The following DOCK9 variants were observed in gnomAD, a reference collection of about 807,000 sequenced individuals.
The protein encoded by DOCK9 is dedicator of cytokinesis protein 9.
A neutral mutation model predicts 263.3 loss-of-function variants in DOCK9; 89 were observed. The observed-to-expected ratio is 0.34, with a 90% CI of 0.28 to 0.40. The LOEUF is 0.40. Among genes scored for constraint, DOCK9 ranks in the 10% least tolerant of loss-of-function variants. The pLI is 1.00. For synonymous variants in DOCK9, 976 were observed against 973.1 expected (o/e 1.00, Z -0.06); for missense variants, 2,140 against 2,603.4 (o/e 0.82, Z 3.87).
At chr13:98,987,674 T>G (rs9634514) in intron 1 of DOCK9, among the ~76,000 whole-genome samples, 22,591 of 152,274 alleles carry the variant, frequency 0.15, 2,415 homozygotes, top group East Asian at 0.43. Flanking sequence ...GCACACACAC[T>G]TGACATACAT....
intron 4 of DOCK9, among the ~76,000 whole-genome samples, chr13:98,923,862 C>T (rs376751649): frequency 6.6e-6 from 1 of 152,168 alleles, no homozygotes; most frequent in African/African-American, 2.4e-5. Context: ...ATCCTTTAAT[C>T]ATGGTGACTG....
intron 18 of DOCK9, 140 bp from the exon 19 acceptor site, chr13:98,886,764 C>CCG: frequency 1.3e-6 from 1 of 754,628 alleles, no homozygotes; most frequent in Non-Finnish European, 2.1e-6. Context: ...CCTGTGAGCC[C>CCG]CGGACTGCTG....
intron 1 of DOCK9, among the ~76,000 whole-genome samples, chr13:99,005,556 G>A (rs948415934): frequency 3.9e-5 from 6 of 152,206 alleles, no homozygotes; most frequent in East Asian, 3.9e-4. Flanking sequence ...TATAATAAAG[G>A]CAGTATCACA....
intron 1 of DOCK9, among the ~76,000 whole-genome samples, chr13:98,985,849 G>A (rs1878336598): frequency 3.3e-5 from 5 of 152,128 alleles, no homozygotes; most frequent in South Asian, 4.1e-4. Flanking sequence ...CCCCACGCCC[G>A]GCACAGTATT....
chr13:98,852,357 A>C (rs2093597804), intron 35 of DOCK9, among the ~76,000 whole-genome samples: 1 of 152,122 alleles, frequency 6.6e-6, no homozygotes, highest in African/African-American at 2.4e-5. Flanking sequence ...AGAACGAATT[A>C]CCCAGTCTTT....
chr13:98,985,919 A>C (rs1878349898), intron 1 of DOCK9, among the ~76,000 whole-genome samples: 1 of 152,236 alleles, frequency 6.6e-6, no homozygotes, highest in Admixed American at 6.5e-5. Context: ...AAGGTGCCTC[A>C]CTTTGGTATG....
chr13:98,894,746 G>T (rs1170541214), intron 15 of DOCK9, among the ~76,000 whole-genome samples: 1 of 151,606 alleles, frequency 6.6e-6, no homozygotes, highest in Non-Finnish European at 1.5e-5. Context: ...ACTACCAATA[G>T]AGAAGATTTT....
chr13:98,836,289 T>A (rs182226949), intron 39 of DOCK9, among the ~76,000 whole-genome samples: 1 of 152,180 alleles, frequency 6.6e-6, no homozygotes, highest in Admixed American at 6.5e-5. Flanking sequence ...TGATTCATGT[T>A]TGAGACTGAT....
chr13:99,000,436 G>A lies in DOCK9; in HGVS notation c.130-44885C>T, dbSNP rs1882061752. Among the ~76,000 whole-genome samples, 3 of 152,182 alleles carry A rather than the reference G, an allele frequency of 2.0e-5. No homozygotes were observed. The South Asian group carries it at 6.2e-4, about 32-fold the overall frequency. On this transcript the variant is annotated intron_variant, in intron 1 of 32. Coordinates refer to the DOCK9 transcript ENST00000427887. ...TAGATTCCCAAACTTCTCCTCCTGA[G>A]GGCTTGCTTGGCAGAGTAGCTTAGT...
chr13:98,951,903 CTT>C (rs71114563), intron 2 of DOCK9, among the ~76,000 whole-genome samples: 1 of 134,876 alleles, frequency 7.4e-6, no homozygotes. Context: ...TTAATATTCC[CTT>C]TTTTTTTTTG....
intron 2 of DOCK9, among the ~76,000 whole-genome samples, chr13:98,933,268 T>C (rs552723916): frequency 1.3e-5 from 2 of 152,202 alleles, no homozygotes; most frequent in Non-Finnish European, 2.9e-5. Flanking sequence ...CTCAAGAAAC[T>C]TTAATTATGG....
chr13:99,076,177 T>C (rs1424063329), intron 1 of DOCK9, among the ~76,000 whole-genome samples: 9 of 152,190 alleles, frequency 5.9e-5, no homozygotes, highest in African/African-American at 2.2e-4. Context: ...ATGTAAAAGA[T>C]ATAATGTCAC....
intron 15 of DOCK9, among the ~76,000 whole-genome samples, chr13:98,890,700 GAC>G: frequency 6.6e-6 from 1 of 152,288 alleles, no homozygotes; most frequent in Non-Finnish European, 1.5e-5. Flanking sequence ...CATGACTGCT[GAC>G]TATTAAGCAG....
upstream of DOCK9, among the ~76,000 whole-genome samples, chr13:99,087,301 G>T (rs1473335391): frequency 6.6e-6 from 1 of 152,224 alleles, no homozygotes; most frequent in Non-Finnish European, 1.5e-5. Context: ...CCAGACTCCG[G>T]CCCGCCGGGA....
chr13:98,893,770 T>TA (rs140414581), intron 15 of DOCK9, among the ~76,000 whole-genome samples: 1,707 of 152,282 alleles, frequency 0.011, 75 homozygotes, highest in Admixed American at 0.076. Flanking sequence ...CAAAGATTTT[T>TA]AAAAAATGAA....
At chr13:98,942,659 G>A (rs752827753) in intron 2 of DOCK9, among the ~76,000 whole-genome samples, 3 of 152,194 alleles carry the variant, frequency 2.0e-5, no homozygotes, top group African/African-American at 4.8e-5. Context: ...GTTGCATAAC[G>A]CTAGAGATAC....
intron 33 of DOCK9, chr13:98,856,597 C>T (rs1365069238): frequency 6.6e-6 from 1 of 152,458 alleles, no homozygotes; most frequent in East Asian, 1.9e-4. Context: ...GGCAAGTAAT[C>T]AATGAGGGAC....
At chr13:98,856,190 G>T in intron 33 of DOCK9, 159 bp from the exon 34 acceptor site, 1 of 655,192 alleles carries the variant, frequency 1.5e-6, no homozygotes, top group Non-Finnish European at 2.5e-6. Context: ...AAAGAACCAG[G>T]TCATATACAA....
intron 8 of DOCK9, 73 bp from the exon 9 acceptor site, chr13:98,914,468 C>T (rs1315741714): frequency 1.4e-6 from 2 of 1,385,612 alleles, no homozygotes; most frequent in Non-Finnish European, 2.0e-6. Flanking sequence ...AGGAGGAAGG[C>T]CGTTTCTCTT....
Sources: allele counts gnomAD v4.1 joint callset (sites outside exome capture counted in the v4.1 genomes callset), GRCh38; gene constraint gnomAD v4.1.1; transcripts MANE v1.5; gene names NCBI Gene and HGNC (gene_info 2026-07-23, HGNC 2026-07-21).